HELZ: variants seen among roughly 807,000 people sequenced by gnomAD.
HELZ encodes helicase with zinc finger.
A neutral mutation model predicts 218.2 loss-of-function variants in HELZ; 23 were observed. That is an observed-to-expected ratio of 0.11 (90% CI 0.08 to 0.15). The LOEUF (loss-of-function observed/expected upper bound fraction) is 0.15, where lower values mean the gene tolerates loss of function less well. HELZ is among the 10% of genes least tolerant of loss of function. The pLI, the probability that HELZ is intolerant of heterozygous loss-of-function variation, is 1.00. For missense variants in HELZ, 1,813 were observed against 2,353.7 expected (o/e 0.77, Z 4.75); for synonymous variants, 814 against 829.4 (o/e 0.98, Z 0.32).
Position 67,215,885 on chromosome 17 carries a change from AT to A in HELZ, c.247+13del. On this transcript the variant is annotated intron_variant, in intron 5 of 32. Coordinates refer to ENST00000358691, the MANE Select transcript of HELZ (RefSeq NM_014877.4). Reference sequence around the variant, plus strand: ...TGTTCAATTCAATAATTCGAGTCTCATTTTTAAACATACCATGTCTACAATC... The same window carrying A: ...TGTTCAATTCAATAATTCGAGTCTCATTTTAAACATACCATGTCTACAATC... 2.0e-6 allele frequency: 3 copies of A among 1,521,666 alleles called. No individual in the cohort carries two copies. Among genetic ancestry groups the A allele is most frequent in the Non-Finnish European group, 2.7e-6 (3 of 1,100,372 alleles). The allele number at this position is 1,521,666 out of a possible 1,614,324, so 94.3% of individuals were successfully genotyped here. A position where few individuals can be genotyped will look rare whatever the true frequency, so the allele number is the denominator to read the frequency against.
intron 3 of HELZ, among the ~76,000 whole-genome samples, chr17:67,235,749 C>CTTT (rs1216322685): frequency 0.02 from 1,564 of 78,660 alleles, 16 homozygotes; most frequent in African/African-American, 0.044. Context: ...ACCACACACT[C>CTTT]TTTTTTTTTT....
At position 67,075,951 on chromosome 17, in the gene HELZ, A is replaced by G. The variant is rs369777814; in HGVS notation, c.*2301T>C. 5 of 152,770 alleles carry G rather than the reference A, an allele frequency of 3.3e-5. No individual in the cohort carries two copies. The highest frequency in any genetic ancestry group is 2.1e-4 in the South Asian group (1 of 4,824). The allele number at this position is 152,770 out of a possible 1,614,324, so 9.5% of individuals were successfully genotyped here. A position where few individuals can be genotyped will look rare whatever the true frequency, so the allele number is the denominator to read the frequency against. On this transcript the variant is annotated 3_prime_UTR_variant, in exon 33 of 33. Transcript: ENST00000358691. ...AAGCTTCCATCATCAACATATTTATATAAGGTGATGGGGTGCATACACGAC... is the reference window on the plus strand; with the variant it reads ...AAGCTTCCATCATCAACATATTTATGTAAGGTGATGGGGTGCATACACGAC...
At position 67,107,592 on chromosome 17, in the gene HELZ, T is replaced by C. The variant is rs559786832; in HGVS notation, c.4818A>G (p.Gln1606=). Residue 1606 remains glutamine, a synonymous_variant, in exon 31 of 33, where the codon CAA becomes CAG. Transcript: ENST00000358691. ...GGCTTCTACTCTGTACTTGTCTATA[T>C]TGCAAAAGTCTTGATTGAGGTGGTG... is the stretch of plus-strand genomic sequence containing the variant. ...EMPPPQSRLL[Q]YRQVQSRSPP... 3 of 1,614,146 alleles carry C rather than the reference T, an allele frequency of 1.9e-6. No individual in the cohort carries two copies. Among genetic ancestry groups the C allele is most frequent in the South Asian group, 2.2e-5 (2 of 91,082 alleles).
intron 28 of HELZ, among the ~76,000 whole-genome samples, chr17:67,110,377 T>C (rs12449954): frequency 1.3e-5 from 2 of 152,166 alleles, no homozygotes; most frequent in South Asian, 4.1e-4. Context: ...CCTGATTTTA[T>C]TGTTTTTATA....
chr17:67,171,455 T>C (rs1368754826), intron 13 of HELZ, among the ~76,000 whole-genome samples: 2 of 152,184 alleles, frequency 1.3e-5, no homozygotes, highest in African/African-American at 2.4e-5. Flanking sequence ...CTGCCTCTCT[T>C]ACCAACCTTC....
intron 5 of HELZ, among the ~76,000 whole-genome samples, chr17:67,211,631 C>T (rs1012887683): frequency 6.6e-6 from 1 of 152,138 alleles, no homozygotes; most frequent in African/African-American, 2.4e-5. Flanking sequence ...GAGGCCAAGG[C>T]AGGTGGACCA....
chr17:67,222,642 T>C (rs2040778014), intron 3 of HELZ, among the ~76,000 whole-genome samples: 1 of 152,206 alleles, frequency 6.6e-6, no homozygotes. Flanking sequence ...TCCGTTCAGC[T>C]GTTTTGTCGA....
At chr17:67,095,991 T>C (rs1048284821) in intron 31 of HELZ, among the ~76,000 whole-genome samples, 2 of 152,182 alleles carry the variant, frequency 1.3e-5, no homozygotes, top group Non-Finnish European at 2.9e-5. Flanking sequence ...GAATGACTCA[T>C]TGATCCATGG....
intron 3 of HELZ, among the ~76,000 whole-genome samples, chr17:67,220,206 T>C (rs761088164): frequency 3.3e-5 from 5 of 152,170 alleles, no homozygotes; most frequent in Non-Finnish European, 7.4e-5. Context: ...AACCATCTGC[T>C]GCCAATAAAC....
Position 67,078,594 on chromosome 17 carries a change from C to A in HELZ, c.5495-8G>T. 6.8e-7 allele frequency: 1 copy of A among 1,464,124 alleles called. No homozygotes were observed. The highest frequency in any genetic ancestry group is 9.0e-7 in the Non-Finnish European group (1 of 1,106,350). The allele number at this position is 1,464,124 out of a possible 1,614,324, so 90.7% of individuals were successfully genotyped here. ...TGACAGTCTTGGGTGGCGCTAAAAG[C>A]AGAGAACAGTGACACAGATTTAAGG... On this transcript the variant is annotated splice_polypyrimidine_tract_variant and splice_region_variant and intron_variant, in intron 32 of 32. Coordinates refer to ENST00000358691, the MANE Select transcript of HELZ (RefSeq NM_014877.4).
intron 6 of HELZ, 43 bp downstream of exon 6, chr17:67,203,276 A>T: frequency 6.3e-7 from 1 of 1,596,492 alleles, no homozygotes; most frequent in Non-Finnish European, 8.6e-7. Flanking sequence ...AATCAAATAA[A>T]AATTTGTTTT....
chr17:67,238,693 A>G (rs1188868070), intron 3 of HELZ, among the ~76,000 whole-genome samples: 2 of 152,192 alleles, frequency 1.3e-5, no homozygotes, highest in East Asian at 3.8e-4. Flanking sequence ...TCTCAAAAAA[A>G]TAATAATAAT....
intron 28 of HELZ, among the ~76,000 whole-genome samples, chr17:67,111,929 T>C (rs949627493): frequency 1.3e-5 from 2 of 152,218 alleles, no homozygotes; most frequent in Non-Finnish European, 2.9e-5. Context: ...GAGGTCATAA[T>C]CAGGTGTCAA....
rs537426946 is a variant in HELZ at position 67,078,598 on chromosome 17, G to A, written c.5495-12C>T. On this transcript the variant is annotated splice_polypyrimidine_tract_variant and intron_variant, in intron 32 of 32. Transcript: ENST00000358691. ...AGTCTTGGGTGGCGCTAAAAGCAGA[G>A]AACAGTGACACAGATTTAAGGATGA... 35 of 1,459,236 alleles carry A rather than the reference G, an allele frequency of 2.4e-5. No individual in the cohort carries two copies. In the South Asian group the frequency reaches 5.2e-4, roughly 22 times the overall value. 90.4% of individuals were successfully genotyped at this position (1,459,236 alleles called of 1,614,324 possible). A position where few individuals can be genotyped will look rare whatever the true frequency, so the allele number is the denominator to read the frequency against.
intron 3 of HELZ, among the ~76,000 whole-genome samples, chr17:67,221,739 T>G (rs936227455): frequency 6.6e-6 from 1 of 152,214 alleles, no homozygotes; most frequent in Non-Finnish European, 1.5e-5. Context: ...AAAGAATGCC[T>G]GGGACATAAG....
At chr17:67,244,938 A>G in intron 1 of HELZ, 1 of 985,978 alleles carries the variant, frequency 1.0e-6, no homozygotes, top group Non-Finnish European at 1.2e-6. Flanking sequence ...AAGTAGGGGA[A>G]GAAGCTGTAA....
chr17:67,190,063 T>C (rs754548521), intron 10 of HELZ, 94 bp downstream of exon 10: 7 of 987,058 alleles, frequency 7.1e-6, no homozygotes, highest in South Asian at 1.5e-5. Context: ...GCAAAGAAGA[T>C]AAGGAAATAA....
chr17:67,122,982 C>T lies in HELZ; in HGVS notation c.3618G>A (p.Ser1206=), dbSNP rs375536999. The T allele has an allele frequency of 1.7e-5, 27 of 1,607,954 alleles. No individual in the cohort carries two copies. The highest frequency in any genetic ancestry group is 2.0e-5 in the Non-Finnish European group (23 of 1,175,382). Residue 1206 remains serine (S), a synonymous_variant, in exon 26 of 33, where the codon TCG becomes TCA. Transcript: ENST00000358691. ...AATGTCCACTTACAGGTAAAGGCAC[C>T]GACATAACTACATTCCCTCCATAGA... ...PAVYGGNVVM[S]VPLPVPWTGY...
chr17:67,123,078 C>T lies in HELZ; in HGVS notation c.3522G>A (p.Leu1174=). 6.2e-7 allele frequency: 1 copy of T among 1,613,348 alleles called. No homozygotes were observed. Among genetic ancestry groups the T allele is most frequent in the Non-Finnish European group, 8.5e-7 (1 of 1,179,380 alleles). The change falls in exon 26 of 33, where the codon TTG becomes TTA. Residue 1174 remains leucine, a synonymous_variant. Coordinates refer to ENST00000358691, the MANE Select transcript of HELZ (RefSeq NM_014877.4). ...TTTGAACAGGGCTTGGAGATTTTCC[C>T]AAATTTGGGTGAGGTCCAAGAGGGG... is the stretch of plus-strand genomic sequence containing the variant. ...PPPPLGPHPN[L]GKSPSPVQRI... is the part of the protein sequence containing the mutation.
Sources: allele counts gnomAD v4.1 joint callset (sites outside exome capture counted in the v4.1 genomes callset), GRCh38; gene constraint gnomAD v4.1.1; transcripts MANE v1.5; gene names NCBI Gene and HGNC (gene_info 2026-07-23, HGNC 2026-07-21).